Variants in LRP1B observed in about 807,000 individuals in gnomAD.
The protein encoded by LRP1B is LDL receptor related protein 1B, also known as low-density lipoprotein receptor-related protein 1B.
In LRP1B, 217 loss-of-function variants were observed where a neutral mutation model predicts 556.6. The ratio of observed to expected loss-of-function variants is 0.39; its 90% confidence interval spans 0.35 to 0.44. LRP1B has a LOEUF of 0.44. Among genes scored for constraint, LRP1B ranks in the 20% least tolerant of loss-of-function variants. The pLI is 1.00. For synonymous variants in LRP1B, 2,047 were observed against 1,865.8 expected, an observed-to-expected ratio of 1.10 and a Z score of -2.50; for missense variants, 5,053 against 5,620.8, an observed-to-expected ratio of 0.90 and a Z score of 3.23.
intron 1 of LRP1B, among the ~76,000 whole-genome samples, chr2:141,965,758 A>G (rs1397716432): frequency 6.8e-6 from 1 of 147,986 alleles, no homozygotes; most frequent in East Asian, 2.0e-4. Flanking sequence ...AAAAAAAATA[A>G]TAATAATAGT....
chr2:141,239,311 T>C (rs900602592), intron 5 of LRP1B, among the ~76,000 whole-genome samples: 9 of 152,034 alleles, frequency 5.9e-5, no homozygotes, highest in Admixed American at 4.6e-4. Flanking sequence ...ATGTGACTGA[T>C]AAGAATAATG....
chr2:140,881,657 T>G (rs1441294432), intron 25 of LRP1B, among the ~76,000 whole-genome samples: 2 of 152,106 alleles, frequency 1.3e-5, no homozygotes, highest in Non-Finnish European at 2.9e-5. Flanking sequence ...AAAAAAGTAT[T>G]ATTTTATTAT....
At chr2:140,268,053 G>C (rs1296806695) in intron 86 of LRP1B, among the ~76,000 whole-genome samples, 4 of 151,878 alleles carry the variant, frequency 2.6e-5, no homozygotes, top group Admixed American at 2.0e-4. Flanking sequence ...GGGTGGGAAA[G>C]GTGGGCCTGA....
chr2:140,479,715 T>C (rs1387996479), intron 59 of LRP1B, among the ~76,000 whole-genome samples: 3 of 152,222 alleles, frequency 2.0e-5, no homozygotes, highest in African/African-American at 7.2e-5. Flanking sequence ...TCCCTGTGTG[T>C]TTTTGCCTGA....
intron 33 of LRP1B, among the ~76,000 whole-genome samples, chr2:140,773,870 A>G (rs1689401729): frequency 6.6e-6 from 1 of 151,984 alleles, no homozygotes; most frequent in Non-Finnish European, 1.5e-5. Flanking sequence ...AATTTATGTA[A>G]CAAATTTTTG....
intron 56 of LRP1B, among the ~76,000 whole-genome samples, chr2:140,494,508 G>A (rs1447425698): frequency 6.6e-6 from 1 of 151,716 alleles, no homozygotes; most frequent in East Asian, 2.0e-4. Flanking sequence ...GGGAGGCTGA[G>A]GCGGGAGAAT....
In LRP1B at chr2:140,464,057, G is replaced by A. The variant is rs1377816600; in HGVS notation, c.9626-6406C>T. Among the ~76,000 whole-genome samples the A allele has an allele frequency of 3.9e-5, 6 of 151,956 alleles. No individual in the cohort carries two copies. In the East Asian group the frequency reaches 5.8e-4, roughly 15 times the overall value. On this transcript the variant is annotated intron_variant, in intron 60 of 90. Transcript: ENST00000389484. ...CTAAAAATACAAAAATTAGCCAGGC[G>A]TGGTGGTGCATGCCTGTAGTCCCAG...
At chr2:140,547,427 T>C (rs1189454890) in intron 43 of LRP1B, among the ~76,000 whole-genome samples, 2 of 152,164 alleles carry the variant, frequency 1.3e-5, no homozygotes, top group Admixed American at 1.3e-4. Context: ...CTCGATTTTC[T>C]AGTGTGTGTG....
Position 140,378,203 on chromosome 2 carries a change from C to G in LRP1B, c.10615G>C (p.Asp3539His). The change falls in exon 68 of 91, where the codon GAC (aspartate) becomes CAC (histidine). Residue 3539 changes from aspartate to histidine, a missense_variant. This residue lies in a region of LRP1B where 599 missense variants were observed against 648.4 expected (regional missense o/e 0.92). Coordinates refer to ENST00000389484, the MANE Select transcript of LRP1B (RefSeq NM_018557.3). Reference protein sequence around the residue: ...SSRFWCDGDFDCADGSDERNC... With the variant: ...SSRFWCDGDFHCADGSDERNC... ...ACCTCATCAGAGCCATCTGCACAGT[C>G]AAAATCTCCATCACACCAAAACCTT... 3.7e-6 allele frequency: 6 copies of G among 1,613,534 alleles called. No homozygotes were observed. Among genetic ancestry groups the G allele is most frequent in the Non-Finnish European group, 5.1e-6 (6 of 1,179,594 alleles).
At chr2:141,346,143 T>C (rs1475118167) in intron 3 of LRP1B, among the ~76,000 whole-genome samples, 1 of 152,114 alleles carries the variant, frequency 6.6e-6, no homozygotes. Context: ...CATGTTTTGT[T>C]TGTTTTTATT....
chr2:141,003,516 T>G lies in LRP1B; in HGVS notation c.2503+1819A>C, dbSNP rs997802366. ...GAATTATGGGGACAAGTCTTTCTCA[T>G]GTTGTTCTCATGATAATGAATAAGA... is the stretch of plus-strand genomic sequence containing the variant. On this transcript the variant is annotated intron_variant, in intron 15 of 90. Transcript: ENST00000389484. Among the ~76,000 whole-genome samples the G allele has an allele frequency of 2.0e-5, 3 of 152,046 alleles. No homozygotes were observed. In the East Asian group the frequency reaches 5.8e-4, roughly 29 times the overall value.
At chr2:141,320,434 C>T (rs2683815) in intron 3 of LRP1B, among the ~76,000 whole-genome samples, 19,553 of 151,908 alleles carry the variant, frequency 0.13, 1,532 homozygotes, top group African/African-American at 0.22. Flanking sequence ...CTCAATCTTA[C>T]GGAGTACGGG....
chr2:141,374,192 A>C (rs1268476938), intron 3 of LRP1B, among the ~76,000 whole-genome samples: 1 of 152,130 alleles, frequency 6.6e-6, no homozygotes, highest in Non-Finnish European at 1.5e-5. Flanking sequence ...AGCACTTTGA[A>C]TATGCCATCC....
chr2:140,461,902 T>C (rs1687338363), intron 60 of LRP1B, among the ~76,000 whole-genome samples: 2 of 152,126 alleles, frequency 1.3e-5, no homozygotes, highest in Non-Finnish European at 2.9e-5. Context: ...AAATAGGATA[T>C]AGAATGCAAT....
intron 59 of LRP1B, among the ~76,000 whole-genome samples, chr2:140,484,023 A>T (rs2105360500): frequency 6.6e-6 from 1 of 152,308 alleles, no homozygotes; most frequent in South Asian, 2.1e-4. Flanking sequence ...GATGATAGCC[A>T]AATTTAGTAC....
chr2:141,499,965 G>C (rs986089082), intron 2 of LRP1B, among the ~76,000 whole-genome samples: 2 of 151,988 alleles, frequency 1.3e-5, no homozygotes, highest in African/African-American at 4.8e-5. Flanking sequence ...TTTGACATAA[G>C]GATTACTTTG....
At chr2:140,786,389 A>G (rs1259553616) in intron 32 of LRP1B, among the ~76,000 whole-genome samples, 5 of 152,234 alleles carry the variant, frequency 3.3e-5, no homozygotes, top group African/African-American at 9.6e-5. Flanking sequence ...ATTATGTTGG[A>G]GCCATTACAT....
At chr2:141,088,707 G>A (rs1700105134) in intron 7 of LRP1B, among the ~76,000 whole-genome samples, 2 of 152,250 alleles carry the variant, frequency 1.3e-5, no homozygotes, top group South Asian at 4.1e-4. Context: ...AAACTGCAAG[G>A]TAAATCGAAA....
chr2:141,179,104 CT>C (rs1282585455), intron 7 of LRP1B, among the ~76,000 whole-genome samples: 9 of 151,834 alleles, frequency 5.9e-5, no homozygotes, highest in African/African-American at 2.2e-4. Flanking sequence ...ATATTTGAAA[CT>C]TTTATCAAAT....
Sources: gnomAD v4.1 joint callset for allele counts (sites outside exome capture counted in the v4.1 genomes callset) on GRCh38, gnomAD v4.1.1 for gene constraint, gnomAD v4.1.1 regional missense constraint, MANE v1.5 for transcripts, NCBI Gene and HGNC (gene_info 2026-07-23, HGNC 2026-07-21) for gene names.